The following PCDH15 variants were observed in gnomAD, a reference collection of about 807,000 sequenced individuals.
The protein encoded by PCDH15 is protocadherin related 15.
A neutral mutation model predicts 178.5 loss-of-function variants in PCDH15; 129 were observed. The ratio of observed to expected loss-of-function variants is 0.72; its 90% CI spans 0.63 to 0.84. PCDH15 has a LOEUF of 0.84. Ranked by LOEUF, PCDH15 falls within the 40% of genes least tolerant of loss-of-function variation. The probability of loss-of-function intolerance (pLI) is 0.00; values close to 1 mark genes in which losing one functional copy is unlikely to be tolerated. For missense variants in PCDH15, 2,230 were observed against 2,099.9 expected, an observed-to-expected ratio of 1.06 and a Z score of -1.21; for synonymous variants, 800 against 732.0, an observed-to-expected ratio of 1.09 and a Z score of -1.50.
intron 9 of PCDH15, among the ~76,000 whole-genome samples, chr10:54,233,152 C>T (rs779764781): frequency 2.0e-5 from 3 of 151,940 alleles, no homozygotes; most frequent in Non-Finnish European, 4.4e-5. Context: ...CCATATTGCC[C>T]AGGCTGGTCT....
chr10:54,583,482 G>T (rs1431295222), intron 2 of PCDH15, among the ~76,000 whole-genome samples: 1 of 151,958 alleles, frequency 6.6e-6, no homozygotes, highest in African/African-American at 2.4e-5. Context: ...ACACTAAAAT[G>T]AATATAAGGA....
chr10:54,347,619 GA>G (rs1288523124), intron 5 of PCDH15, among the ~76,000 whole-genome samples: 7 of 152,036 alleles, frequency 4.6e-5, no homozygotes, highest in African/African-American at 1.7e-4. Context: ...ATTTTACAAG[GA>G]TCCCTCAGGT....
intron 3 of PCDH15, among the ~76,000 whole-genome samples, chr10:54,447,389 T>A (rs183872589): frequency 1.3e-5 from 2 of 151,444 alleles, no homozygotes; most frequent in African/African-American, 2.4e-5. Flanking sequence ...TCTCCGCAAT[T>A]TCCCCCATGC....
chr10:55,221,274 G>A (rs1840867886), intron 1 of PCDH15, among the ~76,000 whole-genome samples: 1 of 152,100 alleles, frequency 6.6e-6, no homozygotes, highest in Non-Finnish European at 1.5e-5. Flanking sequence ...TTACAGAACA[G>A]AGACATGAGC....
At chr10:54,836,390 C>G (rs1340609037) in intron 3 of PCDH15, among the ~76,000 whole-genome samples, 1 of 152,070 alleles carries the variant, frequency 6.6e-6, no homozygotes, top group African/African-American at 2.4e-5. Context: ...CATACACACC[C>G]ACACCCACAC....
At chr10:54,236,998 A>G (rs1027652000) in intron 8 of PCDH15, 67 bp from the exon 9 acceptor site, 2 of 1,333,548 alleles carry the variant, frequency 1.5e-6, no homozygotes, top group African/African-American at 2.9e-5. Flanking sequence ...ATTGAGACAG[A>G]TGCTTTAGTT....
intron 2 of PCDH15, among the ~76,000 whole-genome samples, chr10:55,141,144 G>A (rs1286926803): frequency 1.3e-5 from 2 of 151,734 alleles, no homozygotes; most frequent in Non-Finnish European, 2.9e-5. Context: ...TTTTTTTTAA[G>A]TCTGCTCTTC....
chr10:53,916,849 G>A (rs1185643496), intron 25 of PCDH15, among the ~76,000 whole-genome samples: 1 of 152,008 alleles, frequency 6.6e-6, no homozygotes, highest in Non-Finnish European at 1.5e-5. Context: ...ATACATGGTA[G>A]CTTTACTATT....
chr10:55,619,015 A>G (rs1843534320), intron 2 of PCDH15, among the ~76,000 whole-genome samples: 1 of 152,078 alleles, frequency 6.6e-6, no homozygotes, highest in Admixed American at 6.5e-5. Flanking sequence ...TGTGCACATA[A>G]CAAAAGCGTG....
At position 54,947,901 on chromosome 10, in the gene PCDH15, G is replaced by C. The variant is rs1419291133; in HGVS notation, c.-79-50401C>G. ...AAATTCTTCCTTAAGTTGTGTATTA[G>C]GTAGAATGAACATGAGAAATTCCCA... On this transcript the variant is annotated intron_variant, in intron 2 of 5. Transcript: ENST00000458638. 2.0e-5 allele frequency among the ~76,000 whole-genome samples: 3 copies of C among 151,820 alleles called. No individual in the cohort carries two copies. In the South Asian group the frequency reaches 6.2e-4, roughly 31 times the overall value.
intron 29 of PCDH15, among the ~76,000 whole-genome samples, chr10:53,837,495 T>G (rs1000929338): frequency 6.6e-6 from 1 of 152,140 alleles, no homozygotes; most frequent in Non-Finnish European, 1.5e-5. Flanking sequence ...CCAAAATATA[T>G]TTTTTCAAAT....
chr10:55,216,500 T>C (rs1227707233), intron 1 of PCDH15, among the ~76,000 whole-genome samples: 1 of 151,786 alleles, frequency 6.6e-6, no homozygotes, highest in African/African-American at 2.4e-5. Context: ...TACAGTTACA[T>C]AGTAGAAATA....
At chr10:54,298,449 T>A (rs2059933648) in intron 8 of PCDH15, among the ~76,000 whole-genome samples, 1 of 152,136 alleles carries the variant, frequency 6.6e-6, no homozygotes, top group Admixed American at 6.5e-5. Flanking sequence ...CCTTGCTGGT[T>A]CAGAGAGGAC....
chr10:54,303,247 C>T (rs974812323), intron 8 of PCDH15, among the ~76,000 whole-genome samples: 3 of 151,970 alleles, frequency 2.0e-5, no homozygotes, highest in Non-Finnish European at 4.4e-5. Context: ...TTCTTAATCT[C>T]TGTATGCATT....
intron 2 of PCDH15, among the ~76,000 whole-genome samples, chr10:54,650,540 G>A (rs2094234717): frequency 6.6e-6 from 1 of 152,080 alleles, no homozygotes; most frequent in Non-Finnish European, 1.5e-5. Context: ...CTATTGATAT[G>A]ATTCATAATT....
In PCDH15 at chr10:54,236,848, T is replaced by C. The variant is rs41274634; in HGVS notation, c.960A>G (p.Pro320=). 0.029 allele frequency: 47,180 copies of C among 1,613,256 alleles called. 951 individuals are homozygous for C. Among genetic ancestry groups the C allele is most frequent in the South Asian group, 0.081 (7,354 of 91,044 alleles). The change falls in exon 9 of 38, where the codon CCA becomes CCG. Residue 320 remains proline (P), a synonymous_variant. Coordinates refer to ENST00000644397, the MANE Select transcript of PCDH15 (RefSeq NM_001384140.1). ...CAACAAGGATGGAATAGAGGATTCC[T>C]GGCCTATCTGATGGCGGTTGAATAT... ...DRNIQPPSDR[P]GILYSILVGT...
intron 8 of PCDH15, among the ~76,000 whole-genome samples, chr10:54,293,742 G>A (rs1029165468): frequency 2.6e-5 from 4 of 152,168 alleles, no homozygotes; most frequent in African/African-American, 9.7e-5. Context: ...GGTCACCAGA[G>A]AAATGCAAAT....
At chr10:53,986,279 C>A (rs1410489826) in intron 21 of PCDH15, among the ~76,000 whole-genome samples, 1 of 152,142 alleles carries the variant, frequency 6.6e-6, no homozygotes, top group Non-Finnish European at 1.5e-5. Context: ...TCAGATATCG[C>A]CTCATGCTTT....
chr10:53,838,668 A>G (rs1369309582), intron 29 of PCDH15, among the ~76,000 whole-genome samples: 1 of 152,198 alleles, frequency 6.6e-6, no homozygotes, highest in Non-Finnish European at 1.5e-5. Context: ...TAAAAAAGAA[A>G]TGTGTTGATT....
Sources: allele counts gnomAD v4.1 joint callset (sites outside exome capture counted in the v4.1 genomes callset), GRCh38; gene constraint gnomAD v4.1.1; transcripts MANE v1.5; gene names NCBI Gene and HGNC (gene_info 2026-07-23, HGNC 2026-07-21).